DHDDS: variants seen among roughly 807,000 people sequenced by gnomAD.
DHDDS encodes dehydrodolichyl diphosphate synthase subunit, also known as dehydrodolichyl diphosphate synthase complex subunit DHDDS.
In DHDDS, 16 loss-of-function variants were observed where a neutral mutation model predicts 46.2. The observed-to-expected ratio is 0.35, with a 90% CI of 0.23 to 0.53. The LOEUF (loss-of-function observed/expected upper bound fraction) is 0.53. DHDDS is among the 20% of genes least tolerant of loss of function. The pLI is 0.94. For synonymous variants in DHDDS, 151 were observed against 163.1 expected, an observed-to-expected ratio of 0.93 and a Z score of 0.56; for missense variants, 340 against 423.7, an observed-to-expected ratio of 0.80 and a Z score of 1.73.
intron 8 of DHDDS, among the ~76,000 whole-genome samples, chr1:26,468,193 T>G (rs140655284): frequency 4.0e-5 from 6 of 151,366 alleles, no homozygotes; most frequent in African/African-American, 1.5e-4. Context: ...AATAAGTGGC[T>G]TAAGAGAGTT....
intron 2 of DHDDS, among the ~76,000 whole-genome samples, chr1:26,437,329 G>A (rs1293970885): frequency 5.3e-5 from 8 of 152,254 alleles, no homozygotes; most frequent in African/African-American, 9.6e-5. Flanking sequence ...CATGTAGTAC[G>A]TGCTCAGTAA....
Position 26,432,605 on chromosome 1 carries a change from T to A in DHDDS, c.-56+229T>A, listed in dbSNP as rs1192931711. On this transcript the variant is annotated intron_variant, in intron 1 of 8. Transcript: ENST00000236342. ...GGGAATGATCAAGATGTGGGCACCA[T>A]GATGTGGCAGGAAACCGACTTAGAT... is the stretch of plus-strand genomic sequence containing the variant. The A allele has an allele frequency of 8.3e-6, 3 of 362,990 alleles. No homozygotes were observed. The East Asian group carries it at 1.9e-4, about 23-fold the overall frequency. The allele number at this position is 362,990 out of a possible 1,614,324, so 22.5% of individuals were successfully genotyped here. A position where few individuals can be genotyped will look rare whatever the true frequency, so the allele number is the denominator to read the frequency against.
At chr1:26,467,517 G>A in intron 8 of DHDDS, 1 of 348,466 alleles carries the variant, frequency 2.9e-6, no homozygotes. Context: ...TTATTGCTGA[G>A]AGACAGCAAA....
intron 4 of DHDDS, among the ~76,000 whole-genome samples, chr1:26,443,325 T>C (rs1237800594): frequency 1.3e-5 from 2 of 152,068 alleles, no homozygotes; most frequent in Non-Finnish European, 2.9e-5. Context: ...GGAAGTGGAG[T>C]TAAAGAAAAC....
chr1:26,434,925 TA>T (rs2075137927), intron 2 of DHDDS, among the ~76,000 whole-genome samples: 1 of 151,112 alleles, frequency 6.6e-6, no homozygotes, highest in Non-Finnish European at 1.5e-5. Context: ...CCTCCTAAAG[TA>T]CTGGGATTAC....
chr1:26,457,424 C>T (rs376256287), intron 6 of DHDDS, among the ~76,000 whole-genome samples: 64 of 151,422 alleles, frequency 4.2e-4, no homozygotes, highest in African/African-American at 1.4e-3. Context: ...GAGCCGAGAT[C>T]GTGCCACTGC....
intron 5 of DHDDS, among the ~76,000 whole-genome samples, chr1:26,446,701 TGTGTGTGG>T (rs980984710): frequency 5.3e-5 from 8 of 151,990 alleles, no homozygotes; most frequent in African/African-American, 1.9e-4. Context: ...TGTGTGTGTG[TGTGTGTGG>T]GTGTGTTTTT....
Position 26,469,217 on chromosome 1 carries a change from T to A in DHDDS, c.*86T>A. 1 of 1,601,158 alleles carries A rather than the reference T, an allele frequency of 6.2e-7. No individual in the cohort carries two copies. The stretch of plus-strand genomic sequence containing the variant: ...CTTTTCTTGGTGAAAGGCACCTCCT[T>A]TCCTGATAATGAATGGTGTTCCCTT... On this transcript the variant is annotated 3_prime_UTR_variant, in exon 9 of 9. Transcript: ENST00000236342.
At chr1:26,449,848 C>G (rs192193124) in intron 6 of DHDDS, among the ~76,000 whole-genome samples, 2 of 152,110 alleles carry the variant, frequency 1.3e-5, no homozygotes, top group African/African-American at 4.8e-5. Flanking sequence ...CGTGAGCCAC[C>G]GCGCCCGGCG....
chr1:26,460,212 C>T (rs897734130), intron 8 of DHDDS, 68 bp downstream of exon 8: 5 of 1,245,752 alleles, frequency 4.0e-6, no homozygotes, highest in Non-Finnish European at 5.9e-6. Context: ...GATTGACAAC[C>T]ACCTTACTAT....
intron 6 of DHDDS, among the ~76,000 whole-genome samples, chr1:26,449,098 T>C (rs1012092191): frequency 4.6e-5 from 7 of 151,796 alleles, no homozygotes; most frequent in African/African-American, 7.3e-5. Flanking sequence ...ATTTTTATTT[T>C]TTATTTTATT....
At chr1:26,460,667 A>T (rs1022532257) in intron 8 of DHDDS, among the ~76,000 whole-genome samples, 1 of 152,248 alleles carries the variant, frequency 6.6e-6, no homozygotes, top group Admixed American at 6.5e-5. Flanking sequence ...TTTTATTAGC[A>T]GTCACCTGTA....
At position 26,446,178 on chromosome 1, in the gene DHDDS, A is replaced by G. The variant is rs570945471; in HGVS notation, c.324-138A>G. 84 of 651,136 alleles carry G rather than the reference A, an allele frequency of 1.3e-4. No homozygotes were observed. The South Asian group carries it at 1.5e-3, about 12-fold the overall frequency. 40.3% of individuals were successfully genotyped at this position (651,136 alleles called of 1,614,324 possible). On this transcript the variant is annotated intron_variant, in intron 4 of 8. Coordinates refer to ENST00000236342, the MANE Select transcript of DHDDS (RefSeq NM_205861.3). ...CTTTCAGAGTTGTTGAAGGGATGCAATGAAATAATGCATGTAGAACAGGGT... is the reference window on the plus strand; with the variant it reads ...CTTTCAGAGTTGTTGAAGGGATGCAGTGAAATAATGCATGTAGAACAGGGT...
chr1:26,447,935 G>C (rs2075285383), intron 6 of DHDDS: 1 of 587,772 alleles, frequency 1.7e-6, no homozygotes. Flanking sequence ...GATTTAAGGG[G>C]ATCTCCCAAA....
chr1:26,438,347 AC>A, intron 3 of DHDDS, 63 bp downstream of exon 3: 1 of 1,471,450 alleles, frequency 6.8e-7, no homozygotes, highest in South Asian at 1.1e-5. Context: ...TAGCTAGAAA[AC>A]CAGGCTCTGA....
intron 4 of DHDDS, chr1:26,443,079 T>C: frequency 1.3e-6 from 1 of 790,726 alleles, no homozygotes; most frequent in Non-Finnish European, 1.9e-6. Flanking sequence ...GGGCATTTAT[T>C]TGAGGATATT....
chr1:26,454,697 A>G, intron 6 of DHDDS: 5 of 1,582,104 alleles, frequency 3.2e-6, no homozygotes, highest in East Asian at 2.2e-5. Flanking sequence ...CTTCTGGGCA[A>G]CCTCCTCTTC....
Position 26,469,581 on chromosome 1 carries a change from T to C in DHDDS, c.*450T>C, listed in dbSNP as rs1241467075. ...CTTGGATCTGCTAGTAAATAACTAATAGGCAGGCAGTTATTTGGGTAAGGA... is the reference window on the plus strand; with the variant it reads ...CTTGGATCTGCTAGTAAATAACTAACAGGCAGGCAGTTATTTGGGTAAGGA... On this transcript the variant is annotated 3_prime_UTR_variant, in exon 9 of 9. Transcript: ENST00000236342. 8.4e-6 allele frequency: 2 copies of C among 237,638 alleles called. No homozygotes were observed. The highest frequency in any genetic ancestry group is 5.5e-5 in the South Asian group (1 of 18,334). The allele number at this position is 237,638 out of a possible 1,614,324, so 14.7% of individuals were successfully genotyped here.
intron 6 of DHDDS, chr1:26,455,104 A>C (rs1402022569): frequency 5.0e-6 from 4 of 803,110 alleles, no homozygotes; most frequent in Non-Finnish European, 9.0e-6. Flanking sequence ...TTTCACGAAT[A>C]TTCTTAAAGT....
Sources: allele counts gnomAD v4.1 joint callset (sites outside exome capture counted in the v4.1 genomes callset), GRCh38; gene constraint gnomAD v4.1.1; transcripts MANE v1.5; gene names NCBI Gene and HGNC (gene_info 2026-07-23, HGNC 2026-07-21).